Variants in NLRP5 observed in about 807,000 individuals in gnomAD.
The protein encoded by NLRP5 is NLR family pyrin domain containing 5.
Under a neutral mutation model 113.1 loss-of-function variants are expected in NLRP5, and 93 were observed. The observed-to-expected ratio is 0.82, with a 90% CI of 0.70 to 0.98. The LOEUF (loss-of-function observed/expected upper bound fraction) is 0.98. NLRP5 is among the 50% of genes least tolerant of loss of function. NLRP5 has a pLI of 0.00. For missense variants in NLRP5, 1,808 were observed against 1,514.3 expected, an observed-to-expected ratio of 1.19 and a Z score of -3.22; for synonymous variants, 751 against 600.7, an observed-to-expected ratio of 1.25 and a Z score of -3.66.
chr19:56,013,866 T>G (rs866448147), intron 3 of NLRP5, among the ~76,000 whole-genome samples: 2 of 152,154 alleles, frequency 1.3e-5, no homozygotes, highest in African/African-American at 2.4e-5. Context: ...CTAGTAGTTA[T>G]GAAACATTGA....
At chr19:56,003,121 A>G (rs148515066) in intron 1 of NLRP5, among the ~76,000 whole-genome samples, 22,797 of 150,740 alleles carry the variant, frequency 0.15, 1,977 homozygotes, top group East Asian at 0.31. Flanking sequence ...TACCCTAAGG[A>G]TTATAAATCA....
rs749714962 is a variant in NLRP5 at position 56,061,414 on chromosome 19, C to T, written c.3489C>T (p.Tyr1163=). Residue 1163 remains tyrosine, a synonymous_variant, in exon 15 of 15, where the codon TAC becomes TAT. Coordinates refer to ENST00000390649, the MANE Select transcript of NLRP5 (RefSeq NM_153447.4). Reference sequence around the variant, plus strand: ...TCCCCAGGCTGTGGAAATGGCAGTACCCTGTGCAAATAAGGAAGCTGCTGG... The same window carrying T: ...TCCCCAGGCTGTGGAAATGGCAGTATCCTGTGCAAATAAGGAAGCTGCTGG... 1 of 1,613,942 alleles carries T rather than the reference C, an allele frequency of 6.2e-7. No individual in the cohort carries two copies. Among genetic ancestry groups the T allele is most frequent in the South Asian group, 1.1e-5 (1 of 91,080 alleles).
At chr19:55,992,589 G>T in the NLRP5 span, among the ~76,000 whole-genome samples, 1 of 152,108 alleles carries the variant, frequency 6.6e-6, no homozygotes, top group African/African-American at 2.4e-5. Flanking sequence ...TGTAGGGCTT[G>T]TGTCAAATCC....
intron 13 of NLRP5, among the ~76,000 whole-genome samples, chr19:56,056,098 A>ACAATT (rs1302857274): frequency 6.6e-6 from 1 of 152,132 alleles, no homozygotes; most frequent in African/African-American, 2.4e-5. Context: ...CAATTTCACA[A>ACAATT]CAATTCATTC....
At chr19:56,031,764 G>A (rs1983124565) in intron 7 of NLRP5, among the ~76,000 whole-genome samples, 1 of 152,124 alleles carries the variant, frequency 6.6e-6, no homozygotes. Flanking sequence ...CCTCCTCTAA[G>A]GACGAGTAAT....
Position 56,050,526 on chromosome 19 carries a change from C to A in NLRP5, c.3066C>A (p.Asp1022Glu). 6.2e-7 allele frequency: 1 copy of A among 1,613,964 alleles called. No homozygotes were observed. Among genetic ancestry groups the A allele is most frequent in the Non-Finnish European group, 8.5e-7 (1 of 1,179,870 alleles). Reference sequence around the variant, plus strand: ...GCCTTAGCATGAACCCTGTGGAAGACAATGGCGTGAAGCTTCTGTGCGAGG... The same window carrying A: ...GCCTTAGCATGAACCCTGTGGAAGAAAATGGCGTGAAGCTTCTGTGCGAGG... Residue 1022 changes from aspartate to glutamate, a missense_variant, in exon 12 of 15, where the codon GAC becomes GAA. Asp to Glu is a conservative substitution (Grantham distance 45). Coordinates refer to ENST00000390649, the MANE Select transcript of NLRP5 (RefSeq NM_153447.4).
Position 56,053,641 on chromosome 19 carries a change from G to A in NLRP5, c.3132G>A (p.Leu1044=). The A allele has an allele frequency of 1.2e-6, 2 of 1,612,918 alleles. No individual in the cohort carries two copies. The highest frequency in any genetic ancestry group is 2.2e-5 in the East Asian group (1 of 44,836). Residue 1044 remains leucine, a synonymous_variant, in exon 13 of 15, where the codon TTG becomes TTA. Transcript: ENST00000390649. ...CTCTATTCCCCGCCTCTTGCAGGTT[G>A]GTAAAGTGTCATCTCACCGCCGCGT...
intron 5 of NLRP5, among the ~76,000 whole-genome samples, chr19:56,019,955 G>T (rs1436178129): frequency 6.6e-6 from 1 of 151,380 alleles, no homozygotes; most frequent in Non-Finnish European, 1.5e-5. Context: ...TTCTGTCTCA[G>T]CCTCCCGAGT....
intron 2 of NLRP5, among the ~76,000 whole-genome samples, chr19:56,007,390 C>T (rs1310632480): frequency 2.0e-5 from 3 of 148,830 alleles, no homozygotes; most frequent in Non-Finnish European, 3.0e-5. Context: ...TCTTACAGTT[C>T]CTATTCCAGA....
chr19:56,035,677 G>A (rs1260122729), intron 9 of NLRP5, among the ~76,000 whole-genome samples: 5 of 152,196 alleles, frequency 3.3e-5, no homozygotes, highest in Admixed American at 3.3e-4. Flanking sequence ...ATAACTCACA[G>A]GGGCAGGAGT....
chr19:56,006,499 A>G (rs1445199406), intron 2 of NLRP5, among the ~76,000 whole-genome samples: 2 of 152,016 alleles, frequency 1.3e-5, no homozygotes, highest in Non-Finnish European at 2.9e-5. Flanking sequence ...TGGGAGGCCA[A>G]GGTGGGTGGA....
chr19:55,998,690 A>ATATATATATATGTGTG (rs1981442588), upstream of NLRP5, among the ~76,000 whole-genome samples: 3 of 56,284 alleles, frequency 5.3e-5, no homozygotes, highest in East Asian at 1.0e-3. Flanking sequence ...ATATATATAT[A>ATATATATATATGTGTG]TATATATATA....
At chr19:56,045,744 C>T (rs975648677) in intron 11 of NLRP5, among the ~76,000 whole-genome samples, 9 of 152,122 alleles carry the variant, frequency 5.9e-5, no homozygotes, top group East Asian at 1.9e-4. Context: ...CCGTTTATTG[C>T]GGGCAGGGGA....
intron 2 of NLRP5, among the ~76,000 whole-genome samples, chr19:56,006,273 TGTGGG>T (rs1426693500): frequency 6.6e-6 from 1 of 151,904 alleles, no homozygotes; most frequent in Non-Finnish European, 1.5e-5. Context: ...CGGGGTCTGT[TGTGGG>T]GTGGGGGAAG....
At chr19:56,031,951 T>C (rs3097876) in intron 7 of NLRP5, among the ~76,000 whole-genome samples, 75,949 of 151,948 alleles carry the variant, frequency 0.5, 19,548 homozygotes, top group African/African-American at 0.62. Flanking sequence ...TTAGGTCCTA[T>C]GGTAGCTCTA....
At chr19:56,046,195 G>A (rs1252285153) in intron 11 of NLRP5, among the ~76,000 whole-genome samples, 1 of 152,076 alleles carries the variant, frequency 6.6e-6, no homozygotes, top group African/African-American at 2.4e-5. Context: ...TGCTTTTCCT[G>A]CATCTATTGA....
intron 1 of NLRP5, among the ~76,000 whole-genome samples, chr19:56,000,401 G>C (rs529227129): frequency 6.6e-6 from 1 of 152,008 alleles, no homozygotes; most frequent in East Asian, 2.0e-4. Flanking sequence ...GTCTCATTCT[G>C]TCACCCAGGC....
chr19:55,998,684 A>G (rs879574859), upstream of NLRP5, among the ~76,000 whole-genome samples: 2,736 of 81,144 alleles, frequency 0.034, 150 homozygotes, highest in African/African-American at 0.073. Context: ...ATATATATAT[A>G]TATATATATA....
chr19:55,992,484 A>T, the NLRP5 span, among the ~76,000 whole-genome samples: 1 of 152,166 alleles, frequency 6.6e-6, no homozygotes, highest in Non-Finnish European at 1.5e-5. Flanking sequence ...CACTCCCACC[A>T]ACAGTGTATA....
Sources: gnomAD v4.1 joint callset for allele counts (sites outside exome capture counted in the v4.1 genomes callset) on GRCh38, gnomAD v4.1.1 for gene constraint, MANE v1.5 for transcripts, NCBI Gene and HGNC (gene_info 2026-07-23, HGNC 2026-07-21) for gene names.